Variants in EXPH5 observed in about 807,000 individuals in gnomAD.
EXPH5 encodes exophilin 5, also known as exophilin-5.
In EXPH5, 42 loss-of-function variants were observed where a neutral mutation model predicts 41.1. The ratio of observed to expected loss-of-function variants is 1.02; its 90% confidence interval spans 0.80 to 1.32. The LOEUF (loss-of-function observed/expected upper bound fraction) is 1.32, where lower values mean the gene tolerates loss of function less well. EXPH5 is among the 40% of genes most tolerant of loss of function. The pLI is 0.00. For synonymous variants in EXPH5, 798 were observed against 833.5 expected (o/e 0.96, Z 0.73); for missense variants, 2,298 against 2,314.5 (o/e 0.99, Z 0.15).
Position 108,510,892 on chromosome 11 carries a change from C to G in EXPH5, c.4615G>C (p.Glu1539Gln). The G allele has an allele frequency of 6.2e-7, 1 of 1,614,220 alleles. No homozygotes were observed. Among genetic ancestry groups the G allele is most frequent in the Non-Finnish European group, 8.5e-7 (1 of 1,180,042 alleles). The change falls in exon 6 of 6, where the codon GAA becomes CAA. Residue 1539 changes from glutamate (E) to glutamine (Q), a missense_variant. Transcript: ENST00000265843. ...GCCTCCTGACTTCTTTGAGGTAATT[C>G]TCTTGGTTCAGACTGCAGACTCTCT... ...NLESLQSEPR[E>Q]LPQRSQEANM...
At position 108,511,845 on chromosome 11, in the gene EXPH5, T is replaced by C; in HGVS notation, c.3662A>G (p.Glu1221Gly). The change falls in exon 6 of 6, where the codon GAA becomes GGA. Residue 1221 changes from glutamate to glycine, a missense_variant. Coordinates refer to ENST00000265843, the MANE Select transcript of EXPH5 (RefSeq NM_015065.3). ...LPFCSDLSGK[E>G]RGKTLHKVKT... ...AACTTTATGTAATGTTTTCCCACGT[T>C]CTTTTCCTGACAAGTCTGAGCAAAA... The C allele has an allele frequency of 6.3e-7, 1 of 1,592,118 alleles. No individual in the cohort carries two copies. Among genetic ancestry groups the C allele is most frequent in the Non-Finnish European group, 8.5e-7 (1 of 1,173,634 alleles).
At chr11:108,605,654 G>T in the EXPH5 span, among the ~76,000 whole-genome samples, 1 of 152,338 alleles carries the variant, frequency 6.6e-6, no homozygotes, top group African/African-American at 2.4e-5. Flanking sequence ...TGGATTCAGA[G>T]AACCTAGGTT....
chr11:108,575,761 G>C (rs936820981), intron 1 of EXPH5, among the ~76,000 whole-genome samples: 1 of 152,160 alleles, frequency 6.6e-6, no homozygotes, highest in Non-Finnish European at 1.5e-5. Context: ...ATCACTTGAG[G>C]TCAGGAGTTC....
intron 1 of EXPH5, among the ~76,000 whole-genome samples, chr11:108,577,420 T>C (rs2094083459): frequency 6.6e-6 from 1 of 152,106 alleles, no homozygotes; most frequent in South Asian, 2.1e-4. Context: ...TTTTATTTAT[T>C]TATTTTTTGT....
At chr11:108,532,895 G>A (rs554047672) in intron 3 of EXPH5, among the ~76,000 whole-genome samples, 25 of 152,264 alleles carry the variant, frequency 1.6e-4, no homozygotes, top group Non-Finnish European at 3.4e-4. Context: ...CTCCCGCAGC[G>A]TATGGAGTTT....
intron 1 of EXPH5, among the ~76,000 whole-genome samples, chr11:108,591,753 A>C (rs1341443418): frequency 9.0e-6 from 1 of 111,202 alleles, no homozygotes; most frequent in Non-Finnish European, 2.0e-5. Flanking sequence ...GTGGAGATCC[A>C]GTTCCCTCTA....
At chr11:108,591,961 C>T (rs1591765211) in intron 1 of EXPH5, among the ~76,000 whole-genome samples, 1 of 152,228 alleles carries the variant, frequency 6.6e-6, no homozygotes, top group Non-Finnish European at 1.5e-5. Context: ...AGACAAGAAA[C>T]ATTTCCAATA....
chr11:108,600,229 C>T, the EXPH5 span, among the ~76,000 whole-genome samples: 1 of 152,164 alleles, frequency 6.6e-6, no homozygotes, highest in African/African-American at 2.4e-5. Context: ...TGTCCTTTCT[C>T]CATCAACAGC....
chr11:108,515,374 G>A (rs1235856889), intron 5 of EXPH5, among the ~76,000 whole-genome samples: 2 of 148,458 alleles, frequency 1.3e-5, no homozygotes, highest in East Asian at 3.9e-4. Flanking sequence ...ACCTCTGTAA[G>A]TAGCATATGA....
chr11:108,518,684 G>A (rs2093743769), intron 4 of EXPH5, among the ~76,000 whole-genome samples: 1 of 152,154 alleles, frequency 6.6e-6, no homozygotes, highest in African/African-American at 2.4e-5. Flanking sequence ...ACTCCATCTC[G>A]AATAGGGGCT....
intron 1 of EXPH5, among the ~76,000 whole-genome samples, chr11:108,566,509 A>G (rs1183894884): frequency 6.6e-6 from 1 of 152,146 alleles, no homozygotes; most frequent in Non-Finnish European, 1.5e-5. Flanking sequence ...GATGAGGTTG[A>G]TTATTATCTA....
At chr11:108,582,516 C>T (rs139838490) in intron 1 of EXPH5, among the ~76,000 whole-genome samples, 237 of 152,104 alleles carry the variant, frequency 1.6e-3, no homozygotes, top group Admixed American at 2.6e-3. Flanking sequence ...ATCAGTACCT[C>T]TCATGAACCC....
rs2093705306 is a variant in EXPH5, at chr11:108,514,135, T to C, written c.1372A>G (p.Thr458Ala). 1 of 1,613,782 alleles carries C rather than the reference T, an allele frequency of 6.2e-7. No individual in the cohort carries two copies. The highest frequency in any genetic ancestry group is 1.3e-5 in the African/African-American group (1 of 74,930). Reference protein sequence around the residue: ...MPFYHQSNTFTRSFFSNTFGR... With the variant: ...MPFYHQSNTFARSFFSNTFGR... ...AAGGTATTGCTGAAGAAAGATCTGGTAAATGTGTTGCTTTGATGGTAGAAT... is the reference window on the plus strand; with the variant it reads ...AAGGTATTGCTGAAGAAAGATCTGGCAAATGTGTTGCTTTGATGGTAGAAT... The change falls in exon 6 of 6, where the codon ACC becomes GCC. Residue 458 changes from threonine to alanine, a missense_variant. Coordinates refer to ENST00000265843, the MANE Select transcript of EXPH5 (RefSeq NM_015065.3).
chr11:108,582,264 A>G (rs1055666769), intron 1 of EXPH5, among the ~76,000 whole-genome samples: 2 of 152,126 alleles, frequency 1.3e-5, no homozygotes, highest in Non-Finnish European at 2.9e-5. Flanking sequence ...AGAGTTCAAG[A>G]TCAGCCTGGG....
intron 3 of EXPH5, among the ~76,000 whole-genome samples, chr11:108,534,308 G>T (rs1441223792): frequency 6.6e-6 from 1 of 152,214 alleles, no homozygotes; most frequent in African/African-American, 2.4e-5. Context: ...TCTGTCATGT[G>T]TATAAAACAA....
At chr11:108,607,495 G>A in the EXPH5 span, among the ~76,000 whole-genome samples, 1 of 152,134 alleles carries the variant, frequency 6.6e-6, no homozygotes, top group Admixed American at 6.5e-5. Context: ...CTGGGCAATT[G>A]GAAATGATGA....
chr11:108,558,879 A>G (rs1007705279), intron 1 of EXPH5, among the ~76,000 whole-genome samples: 3 of 152,312 alleles, frequency 2.0e-5, no homozygotes, highest in Non-Finnish European at 4.4e-5. Context: ...TAATCACTAC[A>G]GGAATCCAGT....
Position 108,514,310 on chromosome 11 carries a change from G to A in EXPH5, c.1197C>T (p.Pro399=), listed in dbSNP as rs35457694. The A allele has an allele frequency of 1.0e-3, 1,662 of 1,613,210 alleles. 13 individuals carry two copies. In the African/African-American group the frequency reaches 0.019, roughly 19 times the overall value. The change falls in exon 6 of 6, where the codon CCC becomes CCT. Residue 399 remains proline, a synonymous_variant. Transcript: ENST00000265843. Reference sequence around the variant, plus strand: ...CCCTGGGATACACATACTTGTCAGCGGGATCAATTTCCATTGGTGATGGTG... The same window carrying A: ...CCCTGGGATACACATACTTGTCAGCAGGATCAATTTCCATTGGTGATGGTG... ...LRAPSPMEID[P]ADKYVYPRGF...
chr11:108,576,673 A>G (rs1201852951), intron 1 of EXPH5, among the ~76,000 whole-genome samples: 1 of 152,234 alleles, frequency 6.6e-6, no homozygotes, highest in African/African-American at 2.4e-5. Flanking sequence ...ACAATGTGTA[A>G]TGATCAAATA....
Sources: gnomAD v4.1 joint callset for allele counts (sites outside exome capture counted in the v4.1 genomes callset) on GRCh38, gnomAD v4.1.1 for gene constraint, MANE v1.5 for transcripts, NCBI Gene and HGNC (gene_info 2026-07-23, HGNC 2026-07-21) for gene names.